Variants in NAALADL2 observed in about 807,000 individuals in gnomAD.
NAALADL2 encodes the protein N-acetylated alpha-linked acidic dipeptidase like 2.
In NAALADL2, 76 loss-of-function variants were observed where a neutral mutation model predicts 87.2. That is an observed-to-expected ratio of 0.87 (90% CI 0.72 to 1.05). NAALADL2 has a LOEUF of 1.05. NAALADL2 is among the 50% of genes least tolerant of loss of function. The pLI is 0.00. For synonymous variants in NAALADL2, 354 were observed against 331.0 expected, an observed-to-expected ratio of 1.07 and a Z score of -0.75; for missense variants, 1,089 against 945.8, an observed-to-expected ratio of 1.15 and a Z score of -1.99.
At chr3:175,333,080 TA>T (rs1761580052) in intron 5 of NAALADL2, among the ~76,000 whole-genome samples, 1 of 152,208 alleles carries the variant, frequency 6.6e-6, no homozygotes, top group South Asian at 2.1e-4. Context: ...GTTGGACATG[TA>T]GCCCCCAGGC....
chr3:174,622,806 C>T (rs35972485), intron 2 of NAALADL2, among the ~76,000 whole-genome samples: 62,200 of 151,674 alleles, frequency 0.41, 13,431 homozygotes, highest in Middle Eastern at 0.53. Flanking sequence ...TTTGGGAGGC[C>T]GAGGCGGGCG....
At chr3:174,464,460 T>C (rs1716403792) in intron 1 of NAALADL2, among the ~76,000 whole-genome samples, 1 of 151,886 alleles carries the variant, frequency 6.6e-6, no homozygotes, top group Admixed American at 6.6e-5. Flanking sequence ...AGTGGTCTTA[T>C]CATTAAACTA....
chr3:175,591,343 G>A (rs1052018998), intron 10 of NAALADL2, among the ~76,000 whole-genome samples: 1 of 152,118 alleles, frequency 6.6e-6, no homozygotes, highest in Non-Finnish European at 1.5e-5. Context: ...CATAGGCTTA[G>A]AAGTTTCCTA....
chr3:174,919,080 T>TA (rs963546756), intron 1 of NAALADL2, among the ~76,000 whole-genome samples: 41 of 152,246 alleles, frequency 2.7e-4, no homozygotes, highest in African/African-American at 8.7e-4. Flanking sequence ...ATTTTATTGC[T>TA]AAAAAATCCT....
chr3:174,854,909 C>T (rs1425215282), upstream of NAALADL2, among the ~76,000 whole-genome samples: 1 of 145,594 alleles, frequency 6.9e-6, no homozygotes, highest in Non-Finnish European at 1.5e-5. Context: ...ATGATCTCAG[C>T]TCACTGCAAC....
chr3:174,876,951 C>T (rs1728583298), intron 1 of NAALADL2, among the ~76,000 whole-genome samples: 1 of 152,142 alleles, frequency 6.6e-6, no homozygotes, highest in Admixed American at 6.5e-5. Flanking sequence ...TCCTGGCTTG[C>T]AGATGGCCAA....
chr3:175,620,789 T>C (rs1337085584), intron 10 of NAALADL2, among the ~76,000 whole-genome samples: 1 of 152,156 alleles, frequency 6.6e-6, no homozygotes, highest in Non-Finnish European at 1.5e-5. Context: ...TCTGGCAGGT[T>C]ACAGGTTCTT....
At chr3:175,077,330 T>C (rs925797407) in intron 1 of NAALADL2, among the ~76,000 whole-genome samples, 5 of 152,208 alleles carry the variant, frequency 3.3e-5, no homozygotes, top group Non-Finnish European at 5.9e-5. Context: ...TGTTTGACGT[T>C]CTAGTCTGTG....
At chr3:174,934,780 A>G (rs1737436865) in intron 1 of NAALADL2, among the ~76,000 whole-genome samples, 1 of 152,186 alleles carries the variant, frequency 6.6e-6, no homozygotes, top group Non-Finnish European at 1.5e-5. Flanking sequence ...AAGAATGCAC[A>G]ATGTTGGGGA....
At chr3:174,854,631 T>C (rs1229926649), upstream of NAALADL2, among the ~76,000 whole-genome samples, 1 of 152,078 alleles carries the variant, frequency 6.6e-6, no homozygotes, top group Non-Finnish European at 1.5e-5. Context: ...TATCAAAATA[T>C]CACTTTTACC....
At chr3:175,786,849 A>G (rs545292355) in intron 13 of NAALADL2, among the ~76,000 whole-genome samples, 1 of 151,920 alleles carries the variant, frequency 6.6e-6, no homozygotes, top group South Asian at 2.1e-4. Context: ...GGTTTTATCT[A>G]CTTTTGGTCT....
At chr3:174,990,754 A>G (rs143548981) in intron 1 of NAALADL2, among the ~76,000 whole-genome samples, 550 of 152,236 alleles carry the variant, frequency 3.6e-3, no homozygotes, top group Non-Finnish European at 4.2e-3. Context: ...CATTTGAATC[A>G]CTTGGGGAGC....
chr3:174,802,498 T>C (rs2109256112), intron 3 of NAALADL2, among the ~76,000 whole-genome samples: 1 of 152,298 alleles, frequency 6.6e-6, no homozygotes, highest in African/African-American at 2.4e-5. Flanking sequence ...ATTTTATTAT[T>C]ATACTTTAAG....
chr3:175,048,983 A>G (rs934570801), intron 1 of NAALADL2, among the ~76,000 whole-genome samples: 1 of 152,154 alleles, frequency 6.6e-6, no homozygotes, highest in Non-Finnish European at 1.5e-5. Context: ...ATAACAGTAT[A>G]AATTAGGGAT....
chr3:175,383,887 C>T (rs1201156002), intron 5 of NAALADL2, among the ~76,000 whole-genome samples: 5 of 152,056 alleles, frequency 3.3e-5, no homozygotes, highest in Admixed American at 6.6e-5. Flanking sequence ...CTAGTTCTTT[C>T]TCAGTAATCA....
chr3:174,869,176 C>T (rs994474335), intron 1 of NAALADL2, among the ~76,000 whole-genome samples: 2 of 151,938 alleles, frequency 1.3e-5, no homozygotes, highest in Admixed American at 1.3e-4. Flanking sequence ...AAGAATACAA[C>T]TGGAGAATCA....
Position 174,443,120 on chromosome 3 carries a change from T to G in NAALADL2, c.-184+2088T>G, listed in dbSNP as rs76520330. 1.2e-3 allele frequency among the ~76,000 whole-genome samples: 182 copies of G among 152,308 alleles called. 5 individuals carry two copies. The East Asian group carries it at 0.031, about 26-fold the overall frequency. On this transcript the variant is annotated intron_variant, in intron 1 of 3. Coordinates refer to the NAALADL2 transcript ENST00000434257. ...TTTACTTGAAGCCATTTGGAGGCCA[T>G]TGGAGCCTTTTGACAAGAGGAATGA... is the stretch of plus-strand genomic sequence containing the variant.
intron 2 of NAALADL2, among the ~76,000 whole-genome samples, chr3:174,716,425 T>A (rs6796245): frequency 1.2e-5 from 1 of 86,344 alleles, no homozygotes; most frequent in Admixed American, 1.1e-4. Flanking sequence ...GTTCCAAATA[T>A]GATAATATGC....
chr3:174,666,887 G>A (rs1011826987), intron 2 of NAALADL2, among the ~76,000 whole-genome samples: 3 of 152,056 alleles, frequency 2.0e-5, no homozygotes, highest in Non-Finnish European at 4.4e-5. Flanking sequence ...TTGTTTCTAT[G>A]AGTTTGACTA....
Sources: allele counts gnomAD v4.1 joint callset (sites outside exome capture counted in the v4.1 genomes callset), GRCh38; gene constraint gnomAD v4.1.1; transcripts MANE v1.5; gene names NCBI Gene and HGNC (gene_info 2026-07-23, HGNC 2026-07-21).